The following LINGO2 variants were observed in gnomAD, a reference collection of about 807,000 sequenced individuals.
LINGO2 encodes leucine rich repeat and Ig domain containing 2, also known as leucine-rich repeat and immunoglobulin-like domain-containing nogo receptor-interacting protein 2.
LINGO2 carries 14 observed loss-of-function variants against 30.6 expected under a neutral mutation model. The ratio of observed to expected loss-of-function variants is 0.46; its 90% CI spans 0.30 to 0.72. LINGO2 has a LOEUF of 0.72. Among genes scored for constraint, LINGO2 ranks in the 30% least tolerant of loss-of-function variants. The pLI is 0.07. For synonymous variants in LINGO2, 317 were observed against 288.5 expected, an observed-to-expected ratio of 1.10 and a Z score of -1.00; for missense variants, 729 against 751.7, an observed-to-expected ratio of 0.97 and a Z score of 0.35.
chr9:28,525,732 T>C (rs1047119457), intron 1 of LINGO2, among the ~76,000 whole-genome samples: 3 of 152,088 alleles, frequency 2.0e-5, no homozygotes, highest in Non-Finnish European at 2.9e-5. Context: ...TTCATAACTG[T>C]CACAAAACTC....
At chr9:28,326,219 C>T (rs1042218280) in intron 3 of LINGO2, among the ~76,000 whole-genome samples, 1 of 152,140 alleles carries the variant, frequency 6.6e-6, no homozygotes, top group African/African-American at 2.4e-5. Context: ...GTTGGTCATG[C>T]TGGTCTGTAA....
chr9:28,714,164 A>AATCTATATATATATATATACATAT, the LINGO2 span, among the ~76,000 whole-genome samples: 6 of 117,158 alleles, frequency 5.1e-5, no homozygotes, highest in African/African-American at 2.0e-4. Context: ...TGCCTCAAAT[A>AATCTATATATATATATATACATAT]ATATATATAT....
At chr9:28,268,730 C>T (rs1320382068) in intron 4 of LINGO2, among the ~76,000 whole-genome samples, 1 of 152,076 alleles carries the variant, frequency 6.6e-6, no homozygotes, top group Non-Finnish European at 1.5e-5. Flanking sequence ...GACTACATAA[C>T]CACTGAATAA....
the LINGO2 span, among the ~76,000 whole-genome samples, chr9:28,794,989 C>T: frequency 6.6e-6 from 1 of 151,850 alleles, no homozygotes; most frequent in Non-Finnish European, 1.5e-5. Flanking sequence ...TGCCACCATG[C>T]CTGCCTAATT....
the LINGO2 span, among the ~76,000 whole-genome samples, chr9:28,970,970 G>A: frequency 6.6e-6 from 1 of 152,148 alleles, no homozygotes; most frequent in Non-Finnish European, 1.5e-5. Context: ...CTCCAAAAGA[G>A]ACCCATTCTT....
chr9:28,018,057 G>A (rs1822929720), intron 4 of LINGO2, among the ~76,000 whole-genome samples: 1 of 151,948 alleles, frequency 6.6e-6, no homozygotes, highest in Non-Finnish European at 1.5e-5. Context: ...AATGCCATAT[G>A]CCTACAATCA....
the LINGO2 span, among the ~76,000 whole-genome samples, chr9:28,900,323 G>A: frequency 2.0e-5 from 3 of 152,256 alleles, no homozygotes; most frequent in Non-Finnish European, 2.9e-5. Flanking sequence ...GATAGCCTCT[G>A]CAGACCCAGG....
chr9:29,094,152 C>T, the LINGO2 span, among the ~76,000 whole-genome samples: 1 of 138,494 alleles, frequency 7.2e-6, no homozygotes, highest in Non-Finnish European at 1.6e-5. Flanking sequence ...TGTCATTAAA[C>T]AATGTCCTTA....
At chr9:28,239,352 A>G (rs907707345) in intron 4 of LINGO2, among the ~76,000 whole-genome samples, 2 of 152,154 alleles carry the variant, frequency 1.3e-5, no homozygotes, top group African/African-American at 4.8e-5. Flanking sequence ...ACCACAGGCC[A>G]ATAGCTCTGA....
At chr9:28,963,255 T>A in the LINGO2 span, among the ~76,000 whole-genome samples, 1 of 151,950 alleles carries the variant, frequency 6.6e-6, no homozygotes, top group South Asian at 2.1e-4. Flanking sequence ...GTATTTAGCA[T>A]TGAGTTTTTA....
chr9:28,364,568 A>G (rs1044262244), intron 3 of LINGO2, among the ~76,000 whole-genome samples: 13 of 152,238 alleles, frequency 8.5e-5, no homozygotes, highest in African/African-American at 3.1e-4. Context: ...GTCTGCAAAC[A>G]TCATCACACT....
the LINGO2 span, among the ~76,000 whole-genome samples, chr9:29,031,272 G>GATTT: frequency 3.2e-3 from 466 of 146,356 alleles, 4 homozygotes; most frequent in African/African-American, 1.0e-2. Context: ...TGGTGGTGGT[G>GATTT]ATTTATTTAT....
At chr9:29,208,594 T>TATTTTATATATATAAAAAATA in the LINGO2 span, among the ~76,000 whole-genome samples, 1 of 152,162 alleles carries the variant, frequency 6.6e-6, no homozygotes, top group South Asian at 2.1e-4. Context: ...AAGCATTCTT[T>TATTTTATATATATAAAAAATA]AAATATATTT....
At chr9:29,209,939 T>C in the LINGO2 span, among the ~76,000 whole-genome samples, 1 of 152,132 alleles carries the variant, frequency 6.6e-6, no homozygotes, top group Non-Finnish European at 1.5e-5. Flanking sequence ...TTGCATATAG[T>C]GACCTCCTCT....
At chr9:28,657,339 A>T (rs989654821) in intron 1 of LINGO2, among the ~76,000 whole-genome samples, 5 of 151,978 alleles carry the variant, frequency 3.3e-5, no homozygotes, top group African/African-American at 1.2e-4. Flanking sequence ...TTTTACATCA[A>T]ATGATTCATA....
rs531388196 is a variant in LINGO2, at chr9:28,013,569, G to A, written c.-86-1164C>T. Among the ~76,000 whole-genome samples the A allele has an allele frequency of 8.5e-5, 13 of 152,290 alleles. No homozygotes were observed. The South Asian group carries it at 2.3e-3, about 27-fold the overall frequency. ...AACTGTCAAATACTCTTGTACAGAG[G>A]AATGTGGCAAAGACGGGGAGTGAAT... On this transcript the variant is annotated intron_variant, in intron 4 of 5. Transcript: ENST00000379992.
the LINGO2 span, among the ~76,000 whole-genome samples, chr9:28,841,991 A>G: frequency 1.3e-5 from 2 of 151,796 alleles, no homozygotes; most frequent in East Asian, 1.9e-4. Context: ...TGGTTTAACT[A>G]TACTGAAAAC....
At chr9:28,131,394 C>T (rs1404544521) in intron 4 of LINGO2, among the ~76,000 whole-genome samples, 1 of 152,130 alleles carries the variant, frequency 6.6e-6, no homozygotes, top group Non-Finnish European at 1.5e-5. Context: ...ACTTATTCCA[C>T]TTTATGTTTG....
intron 4 of LINGO2, among the ~76,000 whole-genome samples, chr9:28,202,120 T>A (rs1820258068): frequency 6.6e-6 from 1 of 152,148 alleles, no homozygotes; most frequent in Non-Finnish European, 1.5e-5. Flanking sequence ...TTCCCCTTTT[T>A]ATAAGAACAC....
Sources: gnomAD v4.1 joint callset for allele counts (sites outside exome capture counted in the v4.1 genomes callset) on GRCh38, gnomAD v4.1.1 for gene constraint, MANE v1.5 for transcripts, NCBI Gene and HGNC (gene_info 2026-07-23, HGNC 2026-07-21) for gene names.